MICAL3: variants seen among roughly 807,000 people sequenced by gnomAD.
The protein encoded by MICAL3 is [F-actin]-monooxygenase MICAL3.
MICAL3 carries 62 observed loss-of-function variants against 207.4 expected under a neutral mutation model. That is an observed-to-expected ratio of 0.30 (90% CI 0.24 to 0.37). MICAL3 has a LOEUF of 0.37. MICAL3 is among the 10% of genes least tolerant of loss of function. The probability of loss-of-function intolerance (pLI) is 1.00; values close to 1 mark genes in which losing one functional copy is unlikely to be tolerated. For missense variants in MICAL3, 2,368 were observed against 2,635.6 expected (o/e 0.90, Z 2.22); for synonymous variants, 1,077 against 1,069.3 (o/e 1.01, Z -0.14).
At chr22:17,927,572 C>T (rs1487070054) in intron 1 of MICAL3, among the ~76,000 whole-genome samples, 1 of 152,162 alleles carries the variant, frequency 6.6e-6, no homozygotes, top group Non-Finnish European at 1.5e-5. Flanking sequence ...ATCACCTTAA[C>T]CTCCCAACAC....
At chr22:17,992,730 T>G (rs1201643936) in intron 1 of MICAL3, among the ~76,000 whole-genome samples, 1 of 152,146 alleles carries the variant, frequency 6.6e-6, no homozygotes, top group African/African-American at 2.4e-5. Flanking sequence ...CTACCACCTG[T>G]GAATTTCTTC....
At chr22:17,834,427 T>C (rs1923142081) in intron 20 of MICAL3, 5 of 1,285,978 alleles carry the variant, frequency 3.9e-6, no homozygotes, top group Non-Finnish European at 5.1e-6. Flanking sequence ...AAAAGACTCT[T>C]ATGCTCAGCT....
intron 22 of MICAL3, chr22:17,826,535 A>G (rs1922207076): frequency 1.0e-6 from 1 of 984,700 alleles, no homozygotes; most frequent in Non-Finnish European, 1.2e-6. Context: ...AAAACAGACG[A>G]CAAATACAAA....
intron 1 of MICAL3, among the ~76,000 whole-genome samples, chr22:17,933,268 T>C (rs1933358151): frequency 6.6e-6 from 1 of 152,212 alleles, no homozygotes; most frequent in South Asian, 2.1e-4. Flanking sequence ...CACAACAAAC[T>C]GTCTCTCAGA....
At chr22:17,981,286 AT>A (rs71317115) in intron 1 of MICAL3, among the ~76,000 whole-genome samples, 35,312 of 145,954 alleles carry the variant, frequency 0.24, 4,219 homozygotes, top group Middle Eastern at 0.33. Flanking sequence ...GCTTTCCTAG[AT>A]TTTTTTTTTT....
At chr22:18,009,150 A>G (rs1422019232) in intron 1 of MICAL3, among the ~76,000 whole-genome samples, 1 of 132,688 alleles carries the variant, frequency 7.5e-6, no homozygotes. Context: ...TAAAGTCTAC[A>G]ATTGCACATC....
intron 18 of MICAL3, 44 bp from the exon 19 acceptor site, chr22:17,865,030 C>T (rs761054621): frequency 8.3e-6 from 13 of 1,557,954 alleles, no homozygotes; most frequent in East Asian, 2.3e-5. Context: ...CTGACTGATG[C>T]ACTCAAATCC....
chr22:17,933,747 A>C (rs965329932), intron 1 of MICAL3, among the ~76,000 whole-genome samples: 8 of 152,182 alleles, frequency 5.3e-5, no homozygotes, highest in African/African-American at 1.9e-4. Flanking sequence ...TAAAGAAGAA[A>C]AGAGAGAAGA....
At chr22:17,960,539 G>A (rs1934859145) in intron 1 of MICAL3, among the ~76,000 whole-genome samples, 1 of 152,208 alleles carries the variant, frequency 6.6e-6, no homozygotes, top group South Asian at 2.1e-4. Context: ...GGAACACCCC[G>A]CCCAGGAGTG....
At chr22:17,988,393 C>T (rs138627339) in intron 1 of MICAL3, among the ~76,000 whole-genome samples, 39 of 152,020 alleles carry the variant, frequency 2.6e-4, no homozygotes, top group Admixed American at 2.6e-4. Context: ...GGTGGGCACA[C>T]CACCACCCAC....
At chr22:17,872,778 T>G in intron 16 of MICAL3, 2 of 1,613,714 alleles carry the variant, frequency 1.2e-6, no homozygotes, top group Admixed American at 3.3e-5. Flanking sequence ...GGCTTTGGGT[T>G]GTTCTTTCCT....
At chr22:17,840,465 C>A (rs1923902429) in intron 20 of MICAL3, 1 of 152,200 alleles carries the variant, frequency 6.6e-6, no homozygotes, top group African/African-American at 2.4e-5. Context: ...TGCATAGATG[C>A]TGACTGATTT....
chr22:17,940,448 T>C (rs919276955), intron 1 of MICAL3, among the ~76,000 whole-genome samples: 1 of 151,864 alleles, frequency 6.6e-6, no homozygotes, highest in African/African-American at 2.4e-5. Flanking sequence ...AAAGAAGGAA[T>C]AAGAAAACTG....
intron 27 of MICAL3, chr22:17,812,902 T>C (rs1389942120): frequency 6.6e-6 from 1 of 152,190 alleles, no homozygotes; most frequent in Non-Finnish European, 1.5e-5. Flanking sequence ...TATGTGATTC[T>C]AGATGCTTTT....
Position 17,791,301 on chromosome 22 carries a change from C to T in MICAL3, c.5651G>A (p.Gly1884Asp), listed in dbSNP as rs777722691. The T allele has an allele frequency of 1.2e-6, 2 of 1,612,700 alleles. No individual in the cohort carries two copies. Among genetic ancestry groups the T allele is most frequent in the Admixed American group, 1.7e-5 (1 of 59,864 alleles). Residue 1884 changes from glycine to aspartate, a missense_variant and splice_region_variant, in exon 30 of 32, where the codon GGC (glycine) becomes GAC (aspartate). Coordinates refer to ENST00000441493, the MANE Select transcript of MICAL3 (RefSeq NM_015241.3). ...AVEKALRGEA[G>D]MGKKDDPKLM... ...CTTGGGGTCGTCCTTCTTGCCCATG[C>T]CTGCCGAGAGAACGCTTGTGTCGGG...
At chr22:17,986,471 G>C (rs1386249037) in intron 1 of MICAL3, among the ~76,000 whole-genome samples, 1 of 152,102 alleles carries the variant, frequency 6.6e-6, no homozygotes, top group East Asian at 1.9e-4. Context: ...AGTGAGCCAA[G>C]ATGGTGCCAC....
intron 16 of MICAL3, among the ~76,000 whole-genome samples, chr22:17,874,983 C>T (rs1282434762): frequency 5.9e-5 from 9 of 152,214 alleles, no homozygotes; most frequent in South Asian, 2.1e-4. Flanking sequence ...ACTGGACCAG[C>T]GCTACTTCAG....
chr22:17,914,120 G>A (rs572380550), intron 1 of MICAL3, among the ~76,000 whole-genome samples: 2 of 152,306 alleles, frequency 1.3e-5, no homozygotes, highest in South Asian at 2.1e-4. Context: ...CAATGAAAGC[G>A]CATACTCAGT....
At chr22:17,912,196 T>A (rs1179398830) in intron 1 of MICAL3, among the ~76,000 whole-genome samples, 2 of 152,188 alleles carry the variant, frequency 1.3e-5, no homozygotes, top group African/African-American at 4.8e-5. Flanking sequence ...TTGGTTTATA[T>A]GTCTGCCTTT....
Sources: gnomAD v4.1 joint callset for allele counts (sites outside exome capture counted in the v4.1 genomes callset) on GRCh38, gnomAD v4.1.1 for gene constraint, MANE v1.5 for transcripts, NCBI Gene and HGNC (gene_info 2026-07-23, HGNC 2026-07-21) for gene names.